GRID2: variants seen among roughly 807,000 people sequenced by gnomAD.
GRID2 encodes glutamate receptor ionotropic, delta-2.
A neutral mutation model predicts 114.8 loss-of-function variants in GRID2; 33 were observed. The observed-to-expected ratio is 0.29, with a 90% CI of 0.22 to 0.38. The LOEUF (loss-of-function observed/expected upper bound fraction) is 0.38. GRID2 is among the 10% of genes least tolerant of loss of function. GRID2 has a pLI of 1.00. For missense variants in GRID2, 1,184 were observed against 1,257.7 expected (o/e 0.94, Z 0.89); for synonymous variants, 505 against 449.9 (o/e 1.12, Z -1.55).
At chr4:92,459,264 A>T (rs1299441597) in intron 1 of GRID2, among the ~76,000 whole-genome samples, 1 of 152,226 alleles carries the variant, frequency 6.6e-6, no homozygotes, top group East Asian at 1.9e-4. Context: ...TGTAAGTCAT[A>T]TAATTGTTAT....
At chr4:93,777,976 C>T (rs1437511215), downstream of GRID2, among the ~76,000 whole-genome samples, 1 of 152,092 alleles carries the variant, frequency 6.6e-6, no homozygotes, top group Non-Finnish European at 1.5e-5. Context: ...TTTAAACACA[C>T]ATAGATACCT....
At chr4:92,601,253 T>C (rs1190934620) in intron 2 of GRID2, among the ~76,000 whole-genome samples, 2 of 152,178 alleles carry the variant, frequency 1.3e-5, no homozygotes, top group Non-Finnish European at 2.9e-5. Context: ...AGCATGGCAC[T>C]TACATTAAAA....
chr4:92,562,006 C>T (rs1727124974), intron 1 of GRID2, among the ~76,000 whole-genome samples: 1 of 152,176 alleles, frequency 6.6e-6, no homozygotes, highest in African/African-American at 2.4e-5. Flanking sequence ...AATAGGCAAA[C>T]TCACACCTAC....
At chr4:93,216,555 A>G (rs928239443) in intron 5 of GRID2, among the ~76,000 whole-genome samples, 183 bp from the exon 6 acceptor site, 2 of 152,294 alleles carry the variant, frequency 1.3e-5, no homozygotes, top group Admixed American at 6.5e-5. Flanking sequence ...CATAGAAAGC[A>G]ACTACAAATG....
At chr4:93,048,443 T>C (rs1726373469) in intron 2 of GRID2, among the ~76,000 whole-genome samples, 1 of 152,190 alleles carries the variant, frequency 6.6e-6, no homozygotes, top group East Asian at 1.9e-4. Flanking sequence ...TTCTCAGGTA[T>C]CTGGTTCCCT....
intron 1 of GRID2, among the ~76,000 whole-genome samples, chr4:92,325,633 A>C (rs182198778): frequency 1.3e-5 from 2 of 151,866 alleles, no homozygotes. Context: ...TTAACATGAC[A>C]GAAAACACCT....
intron 2 of GRID2, among the ~76,000 whole-genome samples, chr4:92,680,564 A>G (rs112136139): frequency 2.6e-5 from 4 of 152,314 alleles, no homozygotes; most frequent in African/African-American, 9.6e-5. Flanking sequence ...GAGAAGTAGC[A>G]ACTAAACTGA....
chr4:93,499,105 C>T (rs971258409), intron 12 of GRID2, among the ~76,000 whole-genome samples: 5 of 151,764 alleles, frequency 3.3e-5, no homozygotes, highest in African/African-American at 1.2e-4. Context: ...ATTTTTAAAA[C>T]AAGGTAGAGG....
At chr4:92,334,945 C>A (rs1298693814) in intron 1 of GRID2, among the ~76,000 whole-genome samples, 2 of 152,160 alleles carry the variant, frequency 1.3e-5, no homozygotes, top group Non-Finnish European at 2.9e-5. Flanking sequence ...TGCCCTCCCT[C>A]TAGAGTTTTC....
intron 2 of GRID2, among the ~76,000 whole-genome samples, chr4:93,076,076 G>T (rs946520162): frequency 1.3e-4 from 19 of 151,666 alleles, no homozygotes; most frequent in South Asian, 2.1e-4. Context: ...CTAATTTTTT[G>T]TATTTTTAGT....
intron 2 of GRID2, among the ~76,000 whole-genome samples, chr4:92,597,799 T>C (rs537770627): frequency 3.3e-5 from 5 of 152,170 alleles, no homozygotes; most frequent in African/African-American, 1.2e-4. Context: ...GAATATCTGG[T>C]TGATTTGATT....
At chr4:92,856,796 A>G (rs1744211576) in intron 2 of GRID2, among the ~76,000 whole-genome samples, 1 of 152,310 alleles carries the variant, frequency 6.6e-6, no homozygotes, top group East Asian at 1.9e-4. Context: ...TCACCATTGC[A>G]GGGATACCTT....
At chr4:92,872,122 CTTATTT>C (rs1490480650) in intron 2 of GRID2, among the ~76,000 whole-genome samples, 1 of 151,958 alleles carries the variant, frequency 6.6e-6, no homozygotes, top group Non-Finnish European at 1.5e-5. Flanking sequence ...TGTTTATTAA[CTTATTT>C]TTAGTAGAGA....
intron 1 of GRID2, among the ~76,000 whole-genome samples, chr4:92,366,458 A>G (rs890389256): frequency 6.6e-6 from 1 of 152,038 alleles, no homozygotes; most frequent in Non-Finnish European, 1.5e-5. Context: ...GAGGTAATCC[A>G]TACAACCAGC....
intron 14 of GRID2, among the ~76,000 whole-genome samples, chr4:93,760,814 T>C (rs911012313): frequency 3.9e-5 from 6 of 152,192 alleles, no homozygotes; most frequent in Non-Finnish European, 8.8e-5. Flanking sequence ...TAAATCATAA[T>C]CACTTCCCTG....
intron 8 of GRID2, among the ~76,000 whole-genome samples, chr4:93,317,916 G>A (rs1363124832): frequency 1.4e-5 from 2 of 147,192 alleles, no homozygotes; most frequent in Non-Finnish European, 3.0e-5. Context: ...ACAATTGGAA[G>A]AATGGGATTT....
At chr4:93,588,823 T>A (rs1450940442) in intron 13 of GRID2, among the ~76,000 whole-genome samples, 1 of 152,112 alleles carries the variant, frequency 6.6e-6, no homozygotes. Context: ...TTTTTTTTAT[T>A]TCTCTGAACA....
intron 2 of GRID2, among the ~76,000 whole-genome samples, chr4:93,021,671 TA>T (rs1318424346): frequency 1.4e-5 from 2 of 145,096 alleles, no homozygotes; most frequent in Non-Finnish European, 3.0e-5. Flanking sequence ...ATGTATACTA[TA>T]AATATAATTA....
At chr4:93,128,056 AAAAC>A (rs374509147) in intron 4 of GRID2, among the ~76,000 whole-genome samples, 7,771 of 143,934 alleles carry the variant, frequency 0.054, 480 homozygotes, top group East Asian at 0.17. Flanking sequence ...AAAAAAAAAA[AAAAC>A]AACAGTACGT....
Sources: allele counts gnomAD v4.1 joint callset (sites outside exome capture counted in the v4.1 genomes callset), GRCh38; gene constraint gnomAD v4.1.1; transcripts MANE v1.5; gene names NCBI Gene and HGNC (gene_info 2026-07-23, HGNC 2026-07-21).